Variants in FBXW4 observed in about 807,000 individuals in gnomAD.
FBXW4 encodes the protein F-box and WD repeat domain containing 4, also known as F-box/WD repeat-containing protein 4.
In FBXW4, 40 loss-of-function variants were observed where a neutral mutation model predicts 61.8. The ratio of observed to expected loss-of-function variants is 0.65; its 90% CI spans 0.50 to 0.84. FBXW4 has a LOEUF of 0.84. Among genes scored for constraint, FBXW4 ranks in the 40% least tolerant of loss-of-function variants. The pLI, the probability that FBXW4 is intolerant of heterozygous loss-of-function variation, is 0.00. For synonymous variants in FBXW4, 311 were observed against 313.8 expected (o/e 0.99, Z 0.10); for missense variants, 672 against 753.8 (o/e 0.89, Z 1.27).
intron 1 of FBXW4, among the ~76,000 whole-genome samples, chr10:101,693,043 C>A (rs2064628663): frequency 6.6e-6 from 1 of 152,184 alleles, no homozygotes; most frequent in Non-Finnish European, 1.5e-5. Flanking sequence ...TGGGAAGAGA[C>A]AGTCTCCCAG....
Position 101,694,527 on chromosome 10 carries a change from G to A in FBXW4, c.579C>T (p.Leu193=). The change falls in exon 1 of 9, where the codon CTC becomes CTT. Residue 193 remains leucine, a synonymous_variant. Coordinates refer to ENST00000331272, the MANE Select transcript of FBXW4 (RefSeq NM_022039.4). This position sits in a 1 kb window ranked among gnomAD's most constrained non-coding sequence, Gnocchi z 6.0. ...CCCGCATGTCCAGGTAGGAGCAGATGAGCAGCAGCAGCTCCTCCGGCAGGC... is the reference window on the plus strand; with the variant it reads ...CCCGCATGTCCAGGTAGGAGCAGATAAGCAGCAGCAGCTCCTCCGGCAGGC... ...LWRLPEELLL[L]ICSYLDMRAL... The A allele has an allele frequency of 6.6e-7, 1 of 1,505,324 alleles. No individual in the cohort carries two copies. The highest frequency in any genetic ancestry group is 8.8e-7 in the Non-Finnish European group (1 of 1,135,942). The allele number at this position is 1,505,324 out of a possible 1,614,324, so 93.2% of individuals were successfully genotyped here. A position where few individuals can be genotyped will look rare whatever the true frequency, so the allele number is the denominator to read the frequency against.
intron 1 of FBXW4, among the ~76,000 whole-genome samples, chr10:101,677,094 T>C (rs1345074868): frequency 6.6e-6 from 1 of 152,182 alleles, no homozygotes; most frequent in Admixed American, 6.5e-5. Context: ...CTCGCCTACA[T>C]TGTTGGTGGG....
intron 5 of FBXW4, among the ~76,000 whole-genome samples, chr10:101,638,985 C>A (rs1202855673): frequency 2.0e-5 from 3 of 152,208 alleles, no homozygotes; most frequent in African/African-American, 7.2e-5. Context: ...ATAAGAGCTA[C>A]TGTATCTATG....
intron 6 of FBXW4, among the ~76,000 whole-genome samples, chr10:101,623,201 C>T (rs1232187173): frequency 2.0e-5 from 3 of 152,078 alleles, no homozygotes; most frequent in Non-Finnish European, 2.9e-5. Context: ...GCAGACAGAT[C>T]GCTTGAGCCC....
intron 4 of FBXW4, 108 bp downstream of exon 4, chr10:101,672,807 C>T: frequency 7.3e-7 from 1 of 1,367,722 alleles, no homozygotes; most frequent in Non-Finnish European, 9.9e-7. Flanking sequence ...TCGTTTTCTC[C>T]CCTGTCCCCA....
Position 101,611,648 on chromosome 10 carries a change from G to A in FBXW4, c.1564C>T (p.Arg522Cys), listed in dbSNP as rs1418569736. 6 of 1,614,178 alleles carry A rather than the reference G, an allele frequency of 3.7e-6. No homozygotes were observed. The highest frequency in any genetic ancestry group is 2.2e-5 in the East Asian group (1 of 44,882). The change falls in exon 8 of 9, where the codon CGT becomes TGT. Residue 522 changes from arginine (R) to cysteine (C), a missense_variant. Coordinates refer to ENST00000331272, the MANE Select transcript of FBXW4 (RefSeq NM_022039.4). This position sits in a 1 kb window ranked among gnomAD's most constrained non-coding sequence, Gnocchi z 4.9. The stretch of plus-strand genomic sequence containing the variant: ...CTTACGTGCAGGCAGGCCCTTTGAC[G>A]CCGGTCCCACAGCCGTACAACACCG... The part of the protein sequence containing the change: ...YYGVVRLWDR[R>C]QRACLHAFPL...
intron 4 of FBXW4, among the ~76,000 whole-genome samples, chr10:101,671,794 T>C (rs140812056): frequency 1.3e-5 from 2 of 152,284 alleles, no homozygotes; most frequent in East Asian, 1.9e-4. Flanking sequence ...AGTAGGGTAA[T>C]AGGAAGCAAG....
chr10:101,676,644 C>T, intron 1 of FBXW4: 1 of 174,538 alleles, frequency 5.7e-6, no homozygotes, highest in Non-Finnish European at 1.1e-5. Context: ...AAAATGTTCA[C>T]AGTGATGCCA....
At chr10:101,645,062 C>T (rs2064084556) in intron 5 of FBXW4, among the ~76,000 whole-genome samples, 1 of 152,204 alleles carries the variant, frequency 6.6e-6, no homozygotes, top group Non-Finnish European at 1.5e-5. Flanking sequence ...TGTGCTACCC[C>T]AGCCTGCTCC....
intron 1 of FBXW4, among the ~76,000 whole-genome samples, chr10:101,683,770 T>C (rs2064503572): frequency 6.6e-6 from 1 of 152,078 alleles, no homozygotes. Context: ...TTGATTCCCC[T>C]GGAAGCCACC....
chr10:101,614,767 C>T (rs1201060451), intron 6 of FBXW4, among the ~76,000 whole-genome samples: 3 of 152,194 alleles, frequency 2.0e-5, no homozygotes, highest in Admixed American at 6.5e-5. Context: ...AGGTTAAGTT[C>T]AGAGCATAAA....
chr10:101,686,763 A>AG (rs2064537928), intron 1 of FBXW4, among the ~76,000 whole-genome samples: 1 of 152,154 alleles, frequency 6.6e-6, no homozygotes, highest in Admixed American at 6.6e-5. Flanking sequence ...GCCTGAATGA[A>AG]GGGATGAGGA....
In FBXW4 at chr10:101,612,449, C is replaced by A; in HGVS notation, c.1330G>T (p.Asp444Tyr). 1 of 1,591,280 alleles carries A rather than the reference C, an allele frequency of 6.3e-7. No individual in the cohort carries two copies. Among genetic ancestry groups the A allele is most frequent in the South Asian group, 1.2e-5 (1 of 85,438 alleles). Residue 444 changes from aspartate to tyrosine, a missense_variant, in exon 7 of 9, where the codon GAC becomes TAC. This residue lies in a region of FBXW4 where 312 missense variants were observed against 370.1 expected (regional missense o/e 0.84). Transcript: ENST00000331272. ...AGCACCCCAGCCCCTGGGGGAAAGT[C>A]ACTGCCCAAGTGTGTCATCAGCTGC... ...SGQLMTHLGS[D>Y]FPPGAGVLDV...
At chr10:101,656,075 A>G (rs2064182637) in intron 5 of FBXW4, among the ~76,000 whole-genome samples, 1 of 152,132 alleles carries the variant, frequency 6.6e-6, no homozygotes, top group African/African-American at 2.4e-5. Flanking sequence ...ACCCCACACA[A>G]AGGAAGCGAA....
In FBXW4 at chr10:101,694,540, T is replaced by C. The variant is rs1296660090; in HGVS notation, c.566A>G (p.Glu189Gly). The C allele has an allele frequency of 3.3e-6, 5 of 1,493,194 alleles. No homozygotes were observed. In the South Asian group the frequency reaches 3.8e-5, roughly 11 times the overall value. 92.5% of individuals were successfully genotyped at this position (1,493,194 alleles called of 1,614,324 possible). A position where few individuals can be genotyped will look rare whatever the true frequency, so the allele number is the denominator to read the frequency against. ...GTAGGAGCAGATGAGCAGCAGCAGC[T>C]CCTCCGGCAGGCGCCAGAGCGCAGG... ...AGPALWRLPEELLLLICSYLD... is the reference protein window; with the variant it reads ...AGPALWRLPEGLLLLICSYLD... Residue 189 changes from glutamate to glycine, a missense_variant, in exon 1 of 9, where the codon GAG becomes GGG. Coordinates refer to ENST00000331272, the MANE Select transcript of FBXW4 (RefSeq NM_022039.4). The surrounding 1 kb of genome is among the most constrained non-coding windows in gnomAD (Gnocchi z 6.0).
intron 4 of FBXW4, among the ~76,000 whole-genome samples, chr10:101,669,485 G>A (rs975699629): frequency 2.6e-5 from 4 of 152,154 alleles, no homozygotes; most frequent in Admixed American, 6.5e-5. Flanking sequence ...TGTCCTCCAC[G>A]GAAAGGGAAG....
intron 5 of FBXW4, among the ~76,000 whole-genome samples, chr10:101,663,798 A>C (rs756162964): frequency 3.9e-5 from 6 of 152,180 alleles, no homozygotes; most frequent in Non-Finnish European, 8.8e-5. Flanking sequence ...GCACGCCTCC[A>C]GCATCTCATT....
At chr10:101,642,859 C>A (rs2064065639) in intron 5 of FBXW4, among the ~76,000 whole-genome samples, 1 of 152,188 alleles carries the variant, frequency 6.6e-6, no homozygotes, top group African/African-American at 2.4e-5. Flanking sequence ...CTTTAAAGTG[C>A]CAAGATTTAG....
chr10:101,693,210 G>GGT (rs1226137220), intron 1 of FBXW4, among the ~76,000 whole-genome samples: 1 of 152,146 alleles, frequency 6.6e-6, no homozygotes, highest in Non-Finnish European at 1.5e-5. Flanking sequence ...ACTATAATTT[G>GGT]GTACAGCACC....
Sources: allele counts gnomAD v4.1 joint callset (sites outside exome capture counted in the v4.1 genomes callset), GRCh38; gene constraint gnomAD v4.1.1; regional missense constraint gnomAD v4.1.1; non-coding constraint Gnocchi (gnomAD v3.1); transcripts MANE v1.5; gene names NCBI Gene and HGNC (gene_info 2026-07-23, HGNC 2026-07-21).